The following WWOX variants were observed in gnomAD, a reference collection of about 807,000 sequenced individuals.
WWOX encodes the protein WW domain-containing oxidoreductase.
Under a neutral mutation model 46.2 loss-of-function variants are expected in WWOX, and 69 were observed. The ratio of observed to expected loss-of-function variants is 1.49; its 90% CI spans 1.23 to 1.82. The LOEUF (loss-of-function observed/expected upper bound fraction) is 1.82, where lower values mean the gene tolerates loss of function less well. Ranked by LOEUF, WWOX falls within the 40% of genes most tolerant of loss-of-function variation. The pLI, the probability that WWOX is intolerant of heterozygous loss-of-function variation, is 0.00. For synonymous variants in WWOX, 359 were observed against 202.6 expected, an observed-to-expected ratio of 1.77 and a Z score of -6.56; for missense variants, 919 against 542.6, an observed-to-expected ratio of 1.69 and a Z score of -6.89.
chr16:78,388,150 C>G (rs1275496619), intron 6 of WWOX, among the ~76,000 whole-genome samples: 1 of 152,204 alleles, frequency 6.6e-6, no homozygotes, highest in Non-Finnish European at 1.5e-5. Flanking sequence ...CCTGTCCCAG[C>G]CTCCTGAGTA....
At chr16:78,970,021 C>G (rs192979561) in intron 8 of WWOX, among the ~76,000 whole-genome samples, 2 of 151,556 alleles carry the variant, frequency 1.3e-5, no homozygotes, top group African/African-American at 4.8e-5. Flanking sequence ...CTCAACAAAG[C>G]TGTTAAAAAA....
At chr16:79,061,681 A>G (rs1205832057) in intron 8 of WWOX, among the ~76,000 whole-genome samples, 3 of 152,234 alleles carry the variant, frequency 2.0e-5, no homozygotes, top group Non-Finnish European at 2.9e-5. Flanking sequence ...AAGACAAGTT[A>G]TAGCTGCACT....
At chr16:78,392,611 C>T (rs958058683) in intron 6 of WWOX, among the ~76,000 whole-genome samples, 2 of 152,118 alleles carry the variant, frequency 1.3e-5, no homozygotes, top group African/African-American at 4.8e-5. Context: ...GAGATTTCTG[C>T]AGTCTGTACT....
chr16:78,305,225 C>T (rs1737754194), intron 5 of WWOX, among the ~76,000 whole-genome samples: 1 of 152,092 alleles, frequency 6.6e-6, no homozygotes, highest in South Asian at 2.1e-4. Context: ...CTTTCCTTCC[C>T]CTTTCTGGGG....
intron 8 of WWOX, among the ~76,000 whole-genome samples, chr16:79,081,606 C>T (rs935767842): frequency 6.6e-6 from 1 of 152,160 alleles, no homozygotes; most frequent in Admixed American, 6.5e-5. Context: ...TTTGAGCCTT[C>T]GCTTCCTCAT....
intron 8 of WWOX, chr16:78,534,625 C>A (rs1259416858): frequency 1.3e-5 from 2 of 152,160 alleles, no homozygotes; most frequent in Non-Finnish European, 2.9e-5. Context: ...GTTCATTGTC[C>A]CCCACCTTAT....
chr16:78,440,315 G>C (rs2083416275), intron 8 of WWOX, among the ~76,000 whole-genome samples: 1 of 152,088 alleles, frequency 6.6e-6, no homozygotes, highest in Non-Finnish European at 1.5e-5. Flanking sequence ...CTGGCTCCAT[G>C]CTCTTTCTTT....
At chr16:78,213,649 C>G (rs919244738) in intron 5 of WWOX, among the ~76,000 whole-genome samples, 3 of 151,732 alleles carry the variant, frequency 2.0e-5, no homozygotes, top group African/African-American at 7.3e-5. Flanking sequence ...TGGCATAGCA[C>G]CTAGATTTTA....
At chr16:79,012,928 A>C (rs1308965863) in intron 8 of WWOX, among the ~76,000 whole-genome samples, 1 of 152,202 alleles carries the variant, frequency 6.6e-6, no homozygotes, top group Admixed American at 6.5e-5. Context: ...GTGGTGGCTC[A>C]TGCCTGTATT....
intron 6 of WWOX, among the ~76,000 whole-genome samples, chr16:78,406,451 C>T (rs2082548388): frequency 6.7e-6 from 1 of 149,016 alleles, no homozygotes; most frequent in African/African-American, 2.5e-5. Context: ...CGCCCGGGTT[C>T]AAGCGATTCC....
At position 78,731,697 on chromosome 16, in the gene WWOX, C is replaced by T. The variant is rs77987453; in HGVS notation, c.1056+298945C>T. 5.9e-3 allele frequency among the ~76,000 whole-genome samples: 904 copies of T among 152,182 alleles called. 8 individuals carry two copies. Among genetic ancestry groups the T allele is most frequent in the African/African-American group, 0.019 (808 of 41,524 alleles). On this transcript the variant is annotated intron_variant, in intron 8 of 8. Coordinates refer to ENST00000566780, the MANE Select transcript of WWOX (RefSeq NM_016373.4). ...CAAGCATCGTCATGATCATTATTGACTGGAAAGCCTGTAAGAAGAAGCGGA... is the reference window on the plus strand; with the variant it reads ...CAAGCATCGTCATGATCATTATTGATTGGAAAGCCTGTAAGAAGAAGCGGA...
chr16:78,957,138 C>T (rs918319551), intron 8 of WWOX, among the ~76,000 whole-genome samples: 2 of 152,164 alleles, frequency 1.3e-5, no homozygotes, highest in Non-Finnish European at 2.9e-5. Flanking sequence ...AGGTTGAAAA[C>T]ACCATGAGTG....
chr16:78,390,173 T>G (rs142303277), intron 6 of WWOX, among the ~76,000 whole-genome samples: 391 of 152,362 alleles, frequency 2.6e-3, no homozygotes, highest in African/African-American at 9.1e-3. Flanking sequence ...CCTCATAGCA[T>G]GTGAGATCTC....
intron 5 of WWOX, among the ~76,000 whole-genome samples, chr16:78,192,311 A>G (rs1256098420): frequency 6.6e-6 from 1 of 152,138 alleles, no homozygotes; most frequent in Non-Finnish European, 1.5e-5. Flanking sequence ...TCTGGCCAAC[A>G]TGGCAAAACT....
intron 8 of WWOX, among the ~76,000 whole-genome samples, chr16:78,828,539 A>G (rs1167957756): frequency 4.0e-5 from 6 of 151,428 alleles, no homozygotes; most frequent in Admixed American, 2.6e-4. Context: ...AATTATATAT[A>G]ATAATAATTT....
intron 8 of WWOX, among the ~76,000 whole-genome samples, chr16:78,967,981 A>G (rs1263501312): frequency 6.6e-6 from 1 of 152,172 alleles, no homozygotes; most frequent in Non-Finnish European, 1.5e-5. Flanking sequence ...CCCATACCCC[A>G]CTATATTAAA....
chr16:78,793,453 C>T (rs1355459645), intron 8 of WWOX, among the ~76,000 whole-genome samples: 1 of 152,128 alleles, frequency 6.6e-6, no homozygotes, highest in Non-Finnish European at 1.5e-5. Context: ...CATTGACTTT[C>T]CTCATTTTTT....
intron 5 of WWOX, among the ~76,000 whole-genome samples, chr16:78,174,063 C>A (rs564369184): frequency 6.6e-6 from 1 of 152,156 alleles, no homozygotes; most frequent in Non-Finnish European, 1.5e-5. Context: ...AAGGCCCTGT[C>A]TCCAACTACC....
chr16:78,511,952 TGGGTAAGATA>T (rs1471070844), intron 8 of WWOX, among the ~76,000 whole-genome samples: 1 of 152,220 alleles, frequency 6.6e-6, no homozygotes, highest in Non-Finnish European at 1.5e-5. Flanking sequence ...CTGCGTTGAA[TGGGTAAGATA>T]GCATCTCATA....
Sources: allele counts gnomAD v4.1 joint callset (sites outside exome capture counted in the v4.1 genomes callset), GRCh38; gene constraint gnomAD v4.1.1; transcripts MANE v1.5; gene names NCBI Gene and HGNC (gene_info 2026-07-23, HGNC 2026-07-21).